RNF34: variants seen among roughly 807,000 people sequenced by gnomAD.
RNF34 encodes E3 ubiquitin-protein ligase RNF34.
Under a neutral mutation model 37.9 loss-of-function variants are expected in RNF34, and 12 were observed. The ratio of observed to expected loss-of-function variants is 0.32; its 90% confidence interval spans 0.20 to 0.51. The LOEUF (loss-of-function observed/expected upper bound fraction) is 0.51, where lower values mean the gene tolerates loss of function less well. Ranked by LOEUF, RNF34 falls within the 20% of genes least tolerant of loss-of-function variation. The probability of loss-of-function intolerance (pLI) is 0.97; values close to 1 mark genes in which losing one functional copy is unlikely to be tolerated. For synonymous variants in RNF34, 155 were observed against 177.2 expected (o/e 0.87, Z 1.00); for missense variants, 362 against 472.7 (o/e 0.77, Z 2.17).
chr12:121,415,401 A>AC (rs1220097250), intron 1 of RNF34: 1 of 254,548 alleles, frequency 3.9e-6, no homozygotes, highest in Non-Finnish European at 8.7e-6. Context: ...TAGGCAGATC[A>AC]CTTGAGGCCA....
chr12:121,404,286 C>T (rs782124184), intron 1 of RNF34, among the ~76,000 whole-genome samples: 50 of 150,700 alleles, frequency 3.3e-4, no homozygotes, highest in Non-Finnish European at 6.1e-4. Flanking sequence ...GGATTACAGG[C>T]TTGAGCCATG....
intron 1 of RNF34, among the ~76,000 whole-genome samples, chr12:121,413,165 A>G (rs1320368838): frequency 6.6e-6 from 1 of 151,910 alleles, no homozygotes; most frequent in Non-Finnish European, 1.5e-5. Flanking sequence ...AGCTGGGATT[A>G]CAGGCATCTG....
rs938937827 is a variant in RNF34, at chr12:121,400,324, C to T, written c.6+106C>T. 8.6e-5 allele frequency: 116 copies of T among 1,350,748 alleles called. 1 individual carries two copies. The highest frequency in any genetic ancestry group is 1.1e-4 in the Non-Finnish European group (108 of 991,894). 83.7% of individuals were successfully genotyped at this position (1,350,748 alleles called of 1,614,324 possible). A position where few individuals can be genotyped will look rare whatever the true frequency, so the allele number is the denominator to read the frequency against. On this transcript the variant is annotated intron_variant, in intron 1 of 5. Transcript: ENST00000361234. ...GCCTTAGCGGTTACCTAGTCGTCAT[C>T]TCGGAGAGCTGCGCTGAGGGGGGTC... is the stretch of plus-strand genomic sequence containing the variant.
intron 1 of RNF34, among the ~76,000 whole-genome samples, chr12:121,413,567 A>T (rs1197925074): frequency 1.5e-5 from 2 of 130,126 alleles, no homozygotes; most frequent in East Asian, 2.2e-4. Flanking sequence ...GCCTGCCACC[A>T]TGCCCAGCTT....
intron 5 of RNF34, among the ~76,000 whole-genome samples, chr12:121,422,489 C>T (rs575748777): frequency 6.6e-6 from 1 of 152,220 alleles, no homozygotes; most frequent in Non-Finnish European, 1.5e-5. Context: ...TCCCATAGAT[C>T]CTTTCTCCCC....
At chr12:121,412,148 G>T (rs536876100) in intron 1 of RNF34, among the ~76,000 whole-genome samples, 2 of 151,014 alleles carry the variant, frequency 1.3e-5, no homozygotes, top group Admixed American at 1.3e-4. Context: ...TGCAAACTCC[G>T]CCTCCTGGGT....
chr12:121,409,449 C>T (rs781940964), intron 1 of RNF34: 1 of 152,268 alleles, frequency 6.6e-6, no homozygotes, highest in Non-Finnish European at 1.5e-5. Flanking sequence ...ACAGCCCTTT[C>T]CACTCAGGAA....
chr12:121,417,876 G>A lies in RNF34; in HGVS notation c.598G>A (p.Gly200Arg). The A allele has an allele frequency of 6.2e-7, 1 of 1,614,072 alleles. No individual in the cohort carries two copies. Among genetic ancestry groups the A allele is most frequent in the Non-Finnish European group, 8.5e-7 (1 of 1,180,022 alleles). ...MSSFQGELMD[G>R]DQTSRSGVPA... ...TTCGTTTCAGGGAGAGCTTATGGAT[G>A]GAGACCAAACATCCAGATCTGGAGT... Residue 200 changes from glycine to arginine, a missense_variant, in exon 3 of 6, where the codon GGA becomes AGA. Gly to Arg is a moderately radical substitution (Grantham distance 125, BLOSUM62 -2). Transcript: ENST00000361234. This position sits in a 1 kb window ranked among gnomAD's most constrained non-coding sequence, Gnocchi z 5.0.
intron 1 of RNF34, among the ~76,000 whole-genome samples, chr12:121,414,381 C>CCAA (rs1871367762): frequency 6.6e-6 from 1 of 152,198 alleles, no homozygotes; most frequent in Non-Finnish European, 1.5e-5. Flanking sequence ...TTGGCCCTCG[C>CCAA]TGAAAATTTA....
intron 1 of RNF34, among the ~76,000 whole-genome samples, chr12:121,401,510 T>G (rs981194168): frequency 5.9e-5 from 9 of 152,170 alleles, no homozygotes; most frequent in Admixed American, 5.9e-4. Context: ...ACTTTCCAGT[T>G]TAGTTATAAA....
intron 1 of RNF34, among the ~76,000 whole-genome samples, chr12:121,407,536 C>T (rs570822139): frequency 2.0e-5 from 3 of 152,332 alleles, no homozygotes; most frequent in South Asian, 4.1e-4. Context: ...ACTGCAAATT[C>T]GGAAGCCCAA....
chr12:121,413,217 GCGT>G (rs765799232), intron 1 of RNF34, among the ~76,000 whole-genome samples: 13 of 151,714 alleles, frequency 8.6e-5, no homozygotes, highest in Non-Finnish European at 1.9e-4. Context: ...AGTAGAGACG[GCGT>G]TTCGCCATGT....
chr12:121,421,383 A>C (rs868984342), intron 5 of RNF34, among the ~76,000 whole-genome samples: 1,522 of 147,606 alleles, frequency 0.01, 41 homozygotes, highest in African/African-American at 0.036. Flanking sequence ...AAAAAAAAAA[A>C]AAAAAAAAAA....
Position 121,420,555 on chromosome 12 carries a change from A to G in RNF34, c.727-22A>G, listed in dbSNP as rs371660693. ...GGTCTGGACTTATGGGACCAGGGCT[A>G]ATGGATGCTCTGTGGTTTCAGAACC... On this transcript the variant is annotated intron_variant, in intron 4 of 5. Coordinates refer to ENST00000361234, the MANE Select transcript of RNF34 (RefSeq NM_025126.4). The G allele has an allele frequency of 4.3e-6, 7 of 1,611,642 alleles. No homozygotes were observed. The African/African-American group carries it at 8.0e-5, about 18-fold the overall frequency.
chr12:121,417,191 GCT>G lies in RNF34; in HGVS notation c.226-310_226-309del, dbSNP rs1871654734. ...ACCAGGAAGTGTGATTCTGCTTTCT[GCT>G]CTGTGTGGTTCAAGCTCTGTTTTGT... On this transcript the variant is annotated intron_variant, in intron 2 of 5. Transcript: ENST00000361234. This position sits in a 1 kb window ranked among gnomAD's most constrained non-coding sequence, Gnocchi z 5.0. Among the ~76,000 whole-genome samples, 1 of 152,206 alleles carries G rather than the reference GCT, an allele frequency of 6.6e-6. No homozygotes were observed. The highest frequency in any genetic ancestry group is 1.5e-5 in the Non-Finnish European group (1 of 68,038).
chr12:121,402,859 C>G (rs781884055), intron 1 of RNF34: 1 of 1,352,682 alleles, frequency 7.4e-7, no homozygotes, highest in South Asian at 1.2e-5. Context: ...TCAGTTTGGC[C>G]AATGTCTTGT....
rs1189581331 is a variant in RNF34, at chr12:121,420,847, G to A, written c.928+69G>A. On this transcript the variant is annotated intron_variant, in intron 5 of 5. Transcript: ENST00000361234. ...GGCTTTTAAAAACTGGGTTGTTTTT[G>A]TCACAATTAAGTCAAATTTATTTTT... 8.4e-6 allele frequency: 10 copies of A among 1,191,292 alleles called. No individual in the cohort carries two copies. The East Asian group carries it at 2.1e-4, about 25-fold the overall frequency. The allele number at this position is 1,191,292 out of a possible 1,614,324, so 73.8% of individuals were successfully genotyped here.
At chr12:121,412,333 G>A (rs1186920784) in intron 1 of RNF34, among the ~76,000 whole-genome samples, 5 of 148,540 alleles carry the variant, frequency 3.4e-5, no homozygotes, top group East Asian at 2.0e-4. Flanking sequence ...TCTGCCTCCC[G>A]GGTTCACGCC....
chr12:121,412,447 G>T (rs1324714573), intron 1 of RNF34, among the ~76,000 whole-genome samples: 1 of 151,750 alleles, frequency 6.6e-6, no homozygotes, highest in African/African-American at 2.4e-5. Flanking sequence ...GTTTCACCGT[G>T]TCAGCCAGGA....
Sources: gnomAD v4.1 joint callset for allele counts (sites outside exome capture counted in the v4.1 genomes callset) on GRCh38, gnomAD v4.1.1 for gene constraint, Gnocchi (gnomAD v3.1) non-coding constraint, MANE v1.5 for transcripts, NCBI Gene and HGNC (gene_info 2026-07-23, HGNC 2026-07-21) for gene names.